WLS: variants seen among roughly 807,000 people sequenced by gnomAD.
WLS encodes protein wntless homolog.
WLS carries 23 observed loss-of-function variants against 62.8 expected under a neutral mutation model. That is an observed-to-expected ratio of 0.37 (90% CI 0.26 to 0.52). WLS has a LOEUF of 0.52. WLS is among the 20% of genes least tolerant of loss of function. The probability of loss-of-function intolerance (pLI) is 0.92; values close to 1 mark genes in which losing one functional copy is unlikely to be tolerated. For synonymous variants in WLS, 246 were observed against 244.1 expected (o/e 1.01, Z -0.07); for missense variants, 615 against 697.3 (o/e 0.88, Z 1.33).
chr1:68,102,930 G>A (rs1447776542), intron 11 of WLS, among the ~76,000 whole-genome samples: 2 of 152,152 alleles, frequency 1.3e-5, no homozygotes, highest in Non-Finnish European at 2.9e-5. Context: ...TGTGCCTAAT[G>A]TTTTCACTCA....
intron 11 of WLS, chr1:68,127,053 C>T (rs753502044): frequency 1.5e-5 from 6 of 391,188 alleles, no homozygotes; most frequent in Admixed American, 3.1e-5. Flanking sequence ...TAATTACCTG[C>T]GTGCAGTAAC....
intron 11 of WLS, among the ~76,000 whole-genome samples, chr1:68,103,924 G>A (rs1181355455): frequency 2.6e-5 from 4 of 152,120 alleles, no homozygotes; most frequent in African/African-American, 9.7e-5. Flanking sequence ...GGGTGCTGGG[G>A]GCAGGGGACA....
intron 1 of WLS, chr1:68,202,001 C>A (rs187090264): frequency 3.9e-5 from 6 of 152,258 alleles, no homozygotes; most frequent in Admixed American, 3.9e-4. Flanking sequence ...TCGCCTACAA[C>A]CTCAATTGTT....
At chr1:68,192,813 G>A (rs1412002918) in intron 2 of WLS, among the ~76,000 whole-genome samples, 5 of 147,462 alleles carry the variant, frequency 3.4e-5, no homozygotes, top group African/African-American at 5.0e-5. Flanking sequence ...ATAGTTTTCA[G>A]GCCAGGCACA....
In WLS at chr1:68,194,111, G is replaced by A. The variant is rs1431322012; in HGVS notation, c.223C>T (p.Arg75Ter). ...PWGPNHCDKI[R>*]DIEEAIPREI... ...CTTGGAATTGCCTCTTCAATGTCTC[G>A]GATCTTGTCACAATGATTGGGTCCC... The change falls in exon 2 of 12, where the codon CGA becomes TGA. Residue 75 changes from arginine to a stop codon, truncating the protein, a stop_gained. Transcript: ENST00000262348. LOFTEE classifies it high-confidence loss of function. 3.7e-6 allele frequency: 6 copies of A among 1,613,972 alleles called. No homozygotes were observed. The highest frequency in any genetic ancestry group is 1.7e-5 in the Admixed American group (1 of 59,998).
At chr1:68,168,080 C>A (rs889252557) in intron 2 of WLS, among the ~76,000 whole-genome samples, 3 of 152,050 alleles carry the variant, frequency 2.0e-5, no homozygotes, top group Admixed American at 2.0e-4. Flanking sequence ...GAGAGGAGGG[C>A]AAGTACCTTC....
intron 11 of WLS, among the ~76,000 whole-genome samples, chr1:68,105,958 A>G (rs1362751308): frequency 1.3e-5 from 2 of 152,202 alleles, no homozygotes; most frequent in East Asian, 3.9e-4. Context: ...AAAAGAAAAG[A>G]TGGTGATACA....
chr1:68,110,651 A>ATCTCTCTCTC (rs752431176), intron 11 of WLS, among the ~76,000 whole-genome samples: 29 of 126,230 alleles, frequency 2.3e-4, no homozygotes, highest in African/African-American at 8.6e-4. Flanking sequence ...GCCCCCAAAA[A>ATCTCTCTCTC]TCTCTGTCTC....
Position 68,125,741 on chromosome 1 carries a change from A to G in WLS, c.*485T>C. On this transcript the variant is annotated 3_prime_UTR_variant, in exon 12 of 12. Coordinates refer to ENST00000262348, the MANE Select transcript of WLS (RefSeq NM_024911.7). ...CTCAGTGGGCTACCTGGTGATATAA[A>G]TAGGAAAAAAACAGTGGTCATGGAT... The G allele has an allele frequency of 1.0e-6, 1 of 986,048 alleles. No individual in the cohort carries two copies. The highest frequency in any genetic ancestry group is 1.2e-6 in the Non-Finnish European group (1 of 830,396). 61.1% of individuals were successfully genotyped at this position (986,048 alleles called of 1,614,324 possible).
At chr1:68,135,507 C>T (rs1332744812) in intron 11 of WLS, among the ~76,000 whole-genome samples, 1 of 151,992 alleles carries the variant, frequency 6.6e-6, no homozygotes, top group Admixed American at 6.6e-5. Context: ...CATTTGGGAG[C>T]AGTGGTGCAC....
At chr1:68,101,493 T>C (rs1646077835) in intron 11 of WLS, among the ~76,000 whole-genome samples, 1 of 152,154 alleles carries the variant, frequency 6.6e-6, no homozygotes, top group African/African-American at 2.4e-5. Context: ...TCAGTCCCGA[T>C]AGGATCACAT....
Position 68,232,503 on chromosome 1 carries a change from A to G in WLS, c.-204T>C, listed in dbSNP as rs897577987. 9.9e-6 allele frequency: 11 copies of G among 1,111,166 alleles called. No homozygotes were observed. In the Admixed American group the frequency reaches 2.4e-4, roughly 24 times the overall value. 68.8% of individuals were successfully genotyped at this position (1,111,166 alleles called of 1,614,324 possible). ...CGGCGCAGCCGGCTCGGGTTCCCCC[A>G]ATGCCCGGAGCTGTGATTGTGGCCG... On this transcript the variant is annotated 5_prime_UTR_variant, in exon 1 of 12. Coordinates refer to ENST00000262348, the MANE Select transcript of WLS (RefSeq NM_024911.7).
chr1:68,220,959 TTC>T (rs1260972439), intron 1 of WLS, among the ~76,000 whole-genome samples: 4 of 152,160 alleles, frequency 2.6e-5, no homozygotes, highest in Admixed American at 6.5e-5. Flanking sequence ...CTCCTAAACT[TTC>T]TCTTTTTCAA....
At chr1:68,173,895 C>T (rs1422895591) in intron 2 of WLS, among the ~76,000 whole-genome samples, 1 of 152,054 alleles carries the variant, frequency 6.6e-6, no homozygotes, top group Admixed American at 6.6e-5. Flanking sequence ...GAGTTTTTTC[C>T]CCCTTTGCCA....
At chr1:68,158,537 G>T (rs1201063869) in intron 3 of WLS, among the ~76,000 whole-genome samples, 1 of 151,936 alleles carries the variant, frequency 6.6e-6, no homozygotes, top group Non-Finnish European at 1.5e-5. Context: ...AAACCGGAAG[G>T]AGGAGAATTG....
intron 2 of WLS, among the ~76,000 whole-genome samples, chr1:68,167,762 G>A (rs1050660030): frequency 1.3e-5 from 2 of 152,130 alleles, no homozygotes; most frequent in African/African-American, 4.8e-5. Context: ...AATAGCTTTG[G>A]AGACATATTT....
intron 2 of WLS, among the ~76,000 whole-genome samples, chr1:68,170,361 T>G (rs1647133857): frequency 2.0e-5 from 3 of 151,486 alleles, no homozygotes; most frequent in African/African-American, 7.3e-5. Flanking sequence ...AGAGACGGGG[T>G]TTCTCCATGT....
chr1:68,170,800 C>T (rs1647141981), intron 2 of WLS, among the ~76,000 whole-genome samples: 1 of 152,130 alleles, frequency 6.6e-6, no homozygotes, highest in South Asian at 2.1e-4. Flanking sequence ...GACTACTTAT[C>T]CCCATCTCTC....
At chr1:68,144,804 T>C (rs1646731981) in intron 9 of WLS, 152 bp from the exon 10 acceptor site, 4 of 627,126 alleles carry the variant, frequency 6.4e-6, no homozygotes, top group Middle Eastern at 4.7e-4. Context: ...ATATTTCTTC[T>C]GCAGAGGTGA....
Sources: gnomAD v4.1 joint callset for allele counts (sites outside exome capture counted in the v4.1 genomes callset) on GRCh38, gnomAD v4.1.1 for gene constraint, MANE v1.5 for transcripts, NCBI Gene and HGNC (gene_info 2026-07-23, HGNC 2026-07-21) for gene names.